Variants in CTBS observed in about 807,000 individuals in gnomAD.
CTBS encodes chitobiase, also known as di-N-acetylchitobiase.
CTBS carries 35 observed loss-of-function variants against 44.3 expected under a neutral mutation model. The observed-to-expected ratio is 0.79, with a 90% CI of 0.60 to 1.05. The LOEUF (loss-of-function observed/expected upper bound fraction) is 1.05. CTBS is among the 50% of genes least tolerant of loss of function. The pLI is 0.00. For synonymous variants in CTBS, 143 were observed against 168.0 expected (o/e 0.85, Z 1.15); for missense variants, 458 against 475.3 (o/e 0.96, Z 0.34).
At position 84,552,325 on chromosome 1, in the gene CTBS, T is replaced by C. The variant is rs1684298351; in HGVS notation, c.*2674A>G. 1 of 152,204 alleles carries C rather than the reference T, an allele frequency of 6.6e-6. No individual in the cohort carries two copies. Among genetic ancestry groups the C allele is most frequent in the African/African-American group, 2.4e-5 (1 of 41,444 alleles). 9.4% of individuals were successfully genotyped at this position (152,204 alleles called of 1,614,324 possible). A position where few individuals can be genotyped will look rare whatever the true frequency, so the allele number is the denominator to read the frequency against. Reference sequence around the variant, plus strand: ...CAGGATCTGACTCAGTAGGTCTGGGTGCAGCCTGAGATTCTTCCTACCTAA... The same window carrying C: ...CAGGATCTGACTCAGTAGGTCTGGGCGCAGCCTGAGATTCTTCCTACCTAA... On this transcript the variant is annotated 3_prime_UTR_variant, in exon 7 of 7. Transcript: ENST00000370630.
intron 2 of CTBS, among the ~76,000 whole-genome samples, 163 bp downstream of exon 2, chr1:84,570,419 A>T (rs946439709): frequency 6.6e-6 from 1 of 152,248 alleles, no homozygotes; most frequent in Non-Finnish European, 1.5e-5. Flanking sequence ...TCTTTTAAAA[A>T]GATCTGTGTT....
At chr1:84,566,908 G>C (rs897394022) in intron 3 of CTBS, among the ~76,000 whole-genome samples, 1 of 152,150 alleles carries the variant, frequency 6.6e-6, no homozygotes, top group Non-Finnish European at 1.5e-5. Context: ...GTGCTTACAG[G>C]CGTGAGCCAC....
chr1:84,570,164 G>C, intron 2 of CTBS, 25 bp from the exon 3 acceptor site: 1 of 1,569,336 alleles, frequency 6.4e-7, no homozygotes. Flanking sequence ...TATATCTTTT[G>C]AACATGTATG....
intron 6 of CTBS, among the ~76,000 whole-genome samples, chr1:84,556,168 A>G (rs549382705): frequency 1.3e-5 from 2 of 152,324 alleles, no homozygotes; most frequent in South Asian, 4.1e-4. Flanking sequence ...ACCTCTATCT[A>G]GTACTAACAC....
At chr1:84,565,376 C>G (rs1350131124) in intron 4 of CTBS, among the ~76,000 whole-genome samples, 1 of 152,096 alleles carries the variant, frequency 6.6e-6, no homozygotes, top group African/African-American at 2.4e-5. Context: ...ATCACAGATA[C>G]TAAAAGAAGT....
chr1:84,566,970 A>G (rs976665243), intron 3 of CTBS, among the ~76,000 whole-genome samples: 5 of 152,178 alleles, frequency 3.3e-5, no homozygotes, highest in African/African-American at 1.2e-4. Context: ...TTCAACAAGA[A>G]TGTGTCTCTT....
At chr1:84,569,799 T>C (rs765882973) in intron 3 of CTBS, 132 bp downstream of exon 3, 35 of 864,992 alleles carry the variant, frequency 4.0e-5, no homozygotes, top group Non-Finnish European at 5.7e-5. Context: ...TCCAGAAAAA[T>C]TTTTTAGGAA....
intron 3 of CTBS, 27 bp from the exon 4 acceptor site, chr1:84,566,039 T>G: frequency 6.9e-7 from 1 of 1,450,862 alleles, no homozygotes; most frequent in Non-Finnish European, 9.2e-7. Context: ...TACTATTTTA[T>G]GTAATATGAT....
chr1:84,566,122 C>T, intron 3 of CTBS, 110 bp from the exon 4 acceptor site: 1 of 537,790 alleles, frequency 1.9e-6, no homozygotes, highest in South Asian at 5.9e-5. Flanking sequence ...GGAAAAGGAA[C>T]TGCTTACAGT....
Position 84,554,220 on chromosome 1 carries a change from GAATA to G in CTBS, c.*775_*778del, listed in dbSNP as rs2102013167. 6.6e-6 allele frequency: 1 copy of G among 151,092 alleles called. No individual in the cohort carries two copies. The highest frequency in any genetic ancestry group is 2.5e-5 in the African/African-American group (1 of 40,532). The allele number at this position is 151,092 out of a possible 1,614,324, so 9.4% of individuals were successfully genotyped here. On this transcript the variant is annotated 3_prime_UTR_variant, in exon 7 of 7. Coordinates refer to ENST00000370630, the MANE Select transcript of CTBS (RefSeq NM_004388.3). ...TATATATGTCCATAAATGAAGAAAT[GAATA>G]ATTAGAAGTGTGACAGTGAACAGAA... is the stretch of plus-strand genomic sequence containing the variant.
chr1:84,570,122 C>T lies in CTBS; in HGVS notation c.334G>A (p.Asp112Asn), dbSNP rs1422528095. 1.2e-6 allele frequency: 2 copies of T among 1,611,668 alleles called. No homozygotes were observed. The highest frequency in any genetic ancestry group is 1.7e-6 in the Non-Finnish European group (2 of 1,179,286). Residue 112 changes from aspartate (D) to asparagine (N), a missense_variant, in exon 3 of 7, where the codon GAT becomes AAT. Coordinates refer to ENST00000370630, the MANE Select transcript of CTBS (RefSeq NM_004388.3). ...GCTCTGAAAGCAGGATCAATGATAT[C>T]CTTTAAGGATACATCTCCTGTGGAA... ...VVLKGDVSLK[D>N]IIDPAFRASW...
chr1:84,565,664 C>T (rs1684685265), intron 4 of CTBS, among the ~76,000 whole-genome samples, 177 bp downstream of exon 4: 1 of 152,108 alleles, frequency 6.6e-6, no homozygotes, highest in African/African-American at 2.4e-5. Flanking sequence ...AAAATCAAAA[C>T]TTTAAAACTT....
At position 84,565,953 on chromosome 1, in the gene CTBS, A is replaced by G. The variant is rs1684691966; in HGVS notation, c.585T>C (p.Thr195=). The G allele has an allele frequency of 6.3e-7, 1 of 1,597,312 alleles. No individual in the cohort carries two copies. Among genetic ancestry groups the G allele is most frequent in the East Asian group, 2.3e-5 (1 of 43,662 alleles). Residue 195 remains threonine, a synonymous_variant, in exon 4 of 7, where the codon ACT becomes ACC. Coordinates refer to ENST00000370630, the MANE Select transcript of CTBS (RefSeq NM_004388.3). ...KNIDRRCYNY[T]GIADACDFLF... is the part of the protein sequence containing the mutation. ...GGAAGTCACAAGCATCTGCGATTCC[A>G]GTATAATTATAGCATCTTCTGTCTA...
Position 84,550,515 on chromosome 1 carries a change from C to A in CTBS, c.*4484G>T. On this transcript the variant is annotated 3_prime_UTR_variant, in exon 7 of 7. Coordinates refer to ENST00000370630, the MANE Select transcript of CTBS (RefSeq NM_004388.3). ...AACTAGATACTGACAAAATGAAACT[C>A]ATAGTAGAAGTTAAGGTAATTTACA... is the stretch of plus-strand genomic sequence containing the variant. 2 of 1,545,190 alleles carry A rather than the reference C, an allele frequency of 1.3e-6. No individual in the cohort carries two copies. Among genetic ancestry groups the A allele is most frequent in the Admixed American group, 1.9e-5 (1 of 52,278 alleles).
At chr1:84,559,131 T>C (rs757754414) in intron 6 of CTBS, among the ~76,000 whole-genome samples, 13 of 152,200 alleles carry the variant, frequency 8.5e-5, no homozygotes, top group Non-Finnish European at 1.6e-4. Flanking sequence ...GCAACTCTAT[T>C]GAACAAGTCT....
intron 6 of CTBS, among the ~76,000 whole-genome samples, chr1:84,559,869 G>A (rs1391615873): frequency 6.6e-6 from 1 of 151,976 alleles, no homozygotes; most frequent in African/African-American, 2.4e-5. Flanking sequence ...CGGATCACTT[G>A]AGGTCAGGAG....
At chr1:84,565,794 A>G in intron 4 of CTBS, 47 bp downstream of exon 4, 1 of 1,026,012 alleles carries the variant, frequency 9.7e-7, no homozygotes, top group Non-Finnish European at 1.3e-6. Context: ...TTTAATTTAT[A>G]GAATATTATT....
In CTBS at chr1:84,573,838, T is replaced by TAC. The variant is rs1647385172; in HGVS notation, c.177+400_177+401insGT. The TAC allele has an allele frequency of 3.9e-6, 4 of 1,014,634 alleles. No individual in the cohort carries two copies. In the Admixed American group the frequency reaches 2.2e-4, roughly 57 times the overall value. 62.9% of individuals were successfully genotyped at this position (1,014,634 alleles called of 1,614,324 possible). A position where few individuals can be genotyped will look rare whatever the true frequency, so the allele number is the denominator to read the frequency against. On this transcript the variant is annotated intron_variant, in intron 1 of 6. Coordinates refer to ENST00000370630, the MANE Select transcript of CTBS (RefSeq NM_004388.3). ...CTAAAGGTAAGCAAAATACTCTGCA[T>TAC]TCTAATGTACTGTTGGAGTGCTGAG...
In CTBS at chr1:84,560,109, GAAAGAAAGAAAGAAAGAAAGA is replaced by G. The variant is rs1684562117; in HGVS notation, c.957+3127_957+3147del. The stretch of plus-strand genomic sequence containing the variant: ...AAAAAAAAAAAAAAAAAGAAAGAAA[GAAAGAAAGAAAGAAAGAAAGA>G]AAGGAAAGAAAGAAAGAAAGAGAAA... On this transcript the variant is annotated intron_variant, in intron 6 of 6. Coordinates refer to ENST00000370630, the MANE Select transcript of CTBS (RefSeq NM_004388.3). Among the ~76,000 whole-genome samples the G allele has an allele frequency of 1.3e-4, 16 of 125,852 alleles. No homozygotes were observed. The South Asian group carries it at 3.0e-3, about 23-fold the overall frequency. The allele number at this position is 125,852 out of a possible 152,430, so 82.6% of individuals were successfully genotyped here.
Sources: allele counts gnomAD v4.1 joint callset (sites outside exome capture counted in the v4.1 genomes callset), GRCh38; gene constraint gnomAD v4.1.1; transcripts MANE v1.5; gene names NCBI Gene and HGNC (gene_info 2026-07-23, HGNC 2026-07-21).